CCDC91: variants seen among roughly 807,000 people sequenced by gnomAD.
CCDC91 encodes the protein coiled-coil domain containing 91.
Under a neutral mutation model 63.2 loss-of-function variants are expected in CCDC91, and 48 were observed. The ratio of observed to expected loss-of-function variants is 0.76; its 90% confidence interval spans 0.60 to 0.97. The LOEUF is 0.97. Among genes scored for constraint, CCDC91 ranks in the 50% least tolerant of loss-of-function variants. CCDC91 has a pLI of 0.00. For missense variants in CCDC91, 500 were observed against 494.6 expected (o/e 1.01, Z -0.10); for synonymous variants, 167 against 165.8 (o/e 1.01, Z -0.06).
intron 6 of CCDC91, among the ~76,000 whole-genome samples, chr12:28,361,259 C>T (rs1592423974): frequency 6.6e-6 from 1 of 151,694 alleles, no homozygotes; most frequent in African/African-American, 2.4e-5. Context: ...TATACATGTG[C>T]CATGCTGGTG....
chr12:28,477,049 G>A (rs1425301102), intron 11 of CCDC91, among the ~76,000 whole-genome samples: 1 of 152,150 alleles, frequency 6.6e-6, no homozygotes, highest in Non-Finnish European at 1.5e-5. Context: ...GAGGTACAAG[G>A]AGGAGCTGGT....
intron 6 of CCDC91, among the ~76,000 whole-genome samples, chr12:28,347,526 G>A (rs1592380920): frequency 1.3e-5 from 2 of 152,136 alleles, no homozygotes; most frequent in South Asian, 2.1e-4. Context: ...ATTAGGTACA[G>A]TTACTTAGGT....
intron 6 of CCDC91, among the ~76,000 whole-genome samples, chr12:28,327,497 C>T (rs1174316306): frequency 6.6e-6 from 1 of 152,094 alleles, no homozygotes; most frequent in African/African-American, 2.4e-5. Flanking sequence ...GTAAATGTCA[C>T]ACCTGGTCCA....
intron 11 of CCDC91, among the ~76,000 whole-genome samples, chr12:28,465,359 G>T (rs752073250): frequency 3.9e-5 from 6 of 152,124 alleles, no homozygotes; most frequent in Admixed American, 1.3e-4. Context: ...CCAGGGCTTT[G>T]AGCAAACCGA....
chr12:28,450,049 T>TC, intron 8 of CCDC91, 112 bp from the exon 9 acceptor site: 1 of 599,428 alleles, frequency 1.7e-6, no homozygotes, highest in South Asian at 2.9e-5. Context: ...TCTCATTTTT[T>TC]CCTTTTGTAA....
chr12:28,317,241 T>A (rs112245192), intron 6 of CCDC91, among the ~76,000 whole-genome samples: 1 of 152,038 alleles, frequency 6.6e-6, no homozygotes, highest in African/African-American at 2.4e-5. Flanking sequence ...TTCTATTTTT[T>A]AAAAAATTTG....
chr12:28,286,577 T>G (rs1565735276), intron 3 of CCDC91, among the ~76,000 whole-genome samples: 1 of 152,218 alleles, frequency 6.6e-6, no homozygotes, highest in East Asian at 1.9e-4. Flanking sequence ...TTCCATGGTG[T>G]ACATATAACA....
At chr12:28,516,162 C>T (rs1939922149) in intron 12 of CCDC91, among the ~76,000 whole-genome samples, 1 of 151,846 alleles carries the variant, frequency 6.6e-6, no homozygotes, top group Admixed American at 6.6e-5. Context: ...TTATTTTCCT[C>T]TTCTTGAAGA....
At chr12:28,511,271 T>C (rs1435024363) in intron 12 of CCDC91, among the ~76,000 whole-genome samples, 3 of 151,820 alleles carry the variant, frequency 2.0e-5, no homozygotes, top group South Asian at 2.1e-4. Flanking sequence ...CAGTACATTT[T>C]CCATACAGCA....
At chr12:28,378,571 A>G (rs1324011079) in intron 7 of CCDC91, among the ~76,000 whole-genome samples, 1 of 152,096 alleles carries the variant, frequency 6.6e-6, no homozygotes, top group Non-Finnish European at 1.5e-5. Flanking sequence ...AAGAGAGGAA[A>G]AGTAAAAATT....
intron 12 of CCDC91, among the ~76,000 whole-genome samples, chr12:28,531,811 G>A (rs1451496064): frequency 6.6e-6 from 1 of 152,130 alleles, no homozygotes; most frequent in African/African-American, 2.4e-5. Context: ...TGGAAATACA[G>A]AAGTAAATAC....
At chr12:28,301,665 A>AATGTTG (rs1938094847) in intron 3 of CCDC91, among the ~76,000 whole-genome samples, 1 of 151,660 alleles carries the variant, frequency 6.6e-6, no homozygotes, top group African/African-American at 2.4e-5. Context: ...TTTTTGGTAG[A>AATGTTG]AATCCTCTTG....
intron 12 of CCDC91, among the ~76,000 whole-genome samples, chr12:28,528,525 T>C (rs573951806): frequency 6.6e-6 from 1 of 152,308 alleles, no homozygotes; most frequent in Admixed American, 6.5e-5. Flanking sequence ...TCAGAGGGTC[T>C]GTGGGTTCTC....
chr12:28,205,353 TA>T (rs199637973), intron 1 of CCDC91, among the ~76,000 whole-genome samples: 4 of 149,036 alleles, frequency 2.7e-5, no homozygotes, highest in African/African-American at 7.4e-5. Context: ...AGTACAGAGG[TA>T]AAAAAAAATG....
At chr12:28,371,761 A>G (rs1415504251) in intron 7 of CCDC91, among the ~76,000 whole-genome samples, 2 of 152,180 alleles carry the variant, frequency 1.3e-5, no homozygotes, top group Non-Finnish European at 2.9e-5. Context: ...TTGTATCTGC[A>G]GGTTTCACAG....
intron 3 of CCDC91, among the ~76,000 whole-genome samples, chr12:28,291,734 A>G (rs1156345366): frequency 2.0e-5 from 3 of 152,194 alleles, no homozygotes; most frequent in Admixed American, 6.5e-5. Flanking sequence ...CTTCAAAATG[A>G]TGATTTTTTT....
intron 8 of CCDC91, among the ~76,000 whole-genome samples, chr12:28,396,368 A>T (rs1946286716): frequency 1.3e-5 from 2 of 152,224 alleles, no homozygotes; most frequent in Admixed American, 1.3e-4. Flanking sequence ...TGCTATTAAA[A>T]GGGATTATCT....
chr12:28,303,270 T>C (rs1938280243), intron 3 of CCDC91, among the ~76,000 whole-genome samples: 1 of 152,130 alleles, frequency 6.6e-6, no homozygotes, highest in African/African-American at 2.4e-5. Flanking sequence ...ATTTTTGTTA[T>C]GAAGAGAAAG....
At chr12:28,238,547 G>A (rs1945119983) in intron 1 of CCDC91, among the ~76,000 whole-genome samples, 1 of 152,112 alleles carries the variant, frequency 6.6e-6, no homozygotes. Context: ...ATTTATACCA[G>A]TTGACCGTGC....
Sources: gnomAD v4.1 joint callset for allele counts (sites outside exome capture counted in the v4.1 genomes callset) on GRCh38, gnomAD v4.1.1 for gene constraint, MANE v1.5 for transcripts, NCBI Gene and HGNC (gene_info 2026-07-23, HGNC 2026-07-21) for gene names.